CCDC120: variants seen among roughly 807,000 people sequenced by gnomAD.
The protein encoded by CCDC120 is coiled-coil domain-containing protein 120.
In CCDC120, 16 loss-of-function variants were observed where a neutral mutation model predicts 37.6. The ratio of observed to expected loss-of-function variants is 0.43; its 90% confidence interval spans 0.29 to 0.65. CCDC120 has a LOEUF of 0.65. CCDC120 is among the 30% of genes least tolerant of loss of function. CCDC120 has a pLI of 0.18. For synonymous variants in CCDC120, 309 were observed against 275.4 expected (o/e 1.12, Z -1.21); for missense variants, 650 against 657.4 (o/e 0.99, Z 0.12).
At position 49,065,027 on chromosome X, in the gene CCDC120, C is replaced by T. The variant is rs782444661; in HGVS notation, c.725-9C>T. On this transcript the variant is annotated splice_polypyrimidine_tract_variant and intron_variant, in intron 6 of 10. Transcript: ENST00000603986. The stretch of plus-strand genomic sequence containing the variant: ...GTGAGAGGCCCACTTCTCCCCCTCT[C>T]ACCTGTAGAGGACGTAGTTCTGCAC... 227 of 1,207,989 alleles carry T rather than the reference C, an allele frequency of 1.9e-4. No individual in the cohort carries two copies. The highest frequency in any genetic ancestry group is 2.5e-4 in the Non-Finnish European group (222 of 893,708).
chrX:49,066,981 G>A (rs2064962297), intron 9 of CCDC120, 195 bp from the exon 10 acceptor site: 2 of 424,538 alleles, frequency 4.7e-6, no homozygotes, highest in South Asian at 4.1e-5. Flanking sequence ...ACCCCTGACC[G>A]CCTAGCCTAG....
chrX:49,068,725 G>C lies in CCDC120; in HGVS notation c.*67G>C. 1 of 1,007,282 alleles carries C rather than the reference G, an allele frequency of 9.9e-7. No individual in the cohort carries two copies. The highest frequency in any genetic ancestry group is 2.0e-5 in the African/African-American group (1 of 50,749). The allele number at this position is 1,007,282 out of a possible 1,213,427, so 83.0% of individuals were successfully genotyped here. A position where few individuals can be genotyped will look rare whatever the true frequency, so the allele number is the denominator to read the frequency against. On this transcript the variant is annotated 3_prime_UTR_variant, in exon 11 of 11. Coordinates refer to ENST00000603986, the MANE Select transcript of CCDC120 (RefSeq NM_001163321.4). ...ATCTGGGGAGCACACAGCTGACCTC[G>C]CTGGGCCCTGGGGTGTGGTTGCTCT...
chrX:49,061,843 G>C, intron 1 of CCDC120, 116 bp from the exon 2 acceptor site: 1 of 742,535 alleles, frequency 1.3e-6, no homozygotes, highest in Non-Finnish European at 1.9e-6. Context: ...CTTTCCGGGT[G>C]GCTCTGAAGA....
intron 1 of CCDC120, chrX:49,053,897 T>G (rs2064814632): frequency 8.9e-6 from 1 of 112,655 alleles, no homozygotes. Context: ...CAGCCCCGCC[T>G]GCGGAGGAAG....
rs1557082349 is a variant in CCDC120 at position 49,068,633 on chromosome X, C to T, written c.2066C>T (p.Thr689Ile). Residue 689 changes from threonine to isoleucine, a missense_variant, in exon 11 of 11, where the codon ACC (threonine) becomes ATC (isoleucine). Physicochemically the swap from Thr to Ile is moderately conservative, Grantham distance 89 (BLOSUM62 -1). Around this residue, in one of 3 missense-constraint regions of CCDC120, gnomAD observed 576 missense variants for 565.3 expected, o/e 1.02. Transcript: ENST00000603986. ...LEGEQSSSSDTQTPGTLV is the reference protein window; with the variant it reads ...LEGEQSSSSDIQTPGTLV ...GGGGAGCAGTCCTCCAGTTCTGACA[C>T]CCAGACCCCGGGGACACTGGTCTGA... The T allele has an allele frequency of 8.7e-7, 1 of 1,154,065 alleles. No homozygotes were observed. The highest frequency in any genetic ancestry group is 1.2e-6 in the Non-Finnish European group (1 of 866,911).
In CCDC120 at chrX:49,062,045, C is replaced by G. The variant is rs1557079560; in HGVS notation, c.4C>G (p.Arg2Gly). 1 of 1,156,266 alleles carries G rather than the reference C, an allele frequency of 8.6e-7. No individual in the cohort carries two copies. Among genetic ancestry groups the G allele is most frequent in the Non-Finnish European group, 1.1e-6 (1 of 872,803 alleles). Reference sequence around the variant, plus strand: ...CCACTTGCTGTGCTCTCACTCAATGCGAAGGGAACCAAGGTACCAGGGCCA... The same window carrying G: ...CCACTTGCTGTGCTCTCACTCAATGGGAAGGGAACCAAGGTACCAGGGCCA... Reference protein sequence around the residue: MRREPRYQGQVG... With the variant: MGREPRYQGQVG... Residue 2 changes from arginine (R) to glycine (G), a missense_variant, in exon 2 of 11, where the codon CGA becomes GGA. By Grantham distance (125) the Arg-to-Gly change is moderately radical (BLOSUM62 -2). Transcript: ENST00000603986.
chrX:49,064,025 A>G, intron 5 of CCDC120, 24 bp downstream of exon 5: 1 of 1,176,336 alleles, frequency 8.5e-7, no homozygotes, highest in African/African-American at 1.8e-5. Context: ...TGTGGAGAGC[A>G]AGAGGGTGGG....
rs1557080543 is a variant in CCDC120 at position 49,064,581 on chromosome X, C to T, written c.641C>T (p.Pro214Leu). Residue 214 changes from proline (P) to leucine (L), a missense_variant, in exon 6 of 11, where the codon CCC (proline) becomes CTC (leucine). Transcript: ENST00000603986. Reference protein sequence around the residue: ...ARLGLPVLPLPQPLPLSTGSV... With the variant: ...ARLGLPVLPLLQPLPLSTGSV... ...CTTGGCCTCCCAGTGCTCCCGCTGCCCCAGCCACTGCCACTGTCCACGGGG... is the reference window on the plus strand; with the variant it reads ...CTTGGCCTCCCAGTGCTCCCGCTGCTCCAGCCACTGCCACTGTCCACGGGG... 5 of 1,185,030 alleles carry T rather than the reference C, an allele frequency of 4.2e-6. No individual in the cohort carries two copies. In the Admixed American group the frequency reaches 1.2e-4, roughly 28 times the overall value.
chrX:49,064,457 C>T lies in CCDC120; in HGVS notation c.517C>T (p.Leu173=). 8.5e-7 allele frequency: 1 copy of T among 1,180,965 alleles called. No individual in the cohort carries two copies. The highest frequency in any genetic ancestry group is 1.1e-6 in the Non-Finnish European group (1 of 880,994). ...CCGCCGCCTGGCCTTGGCCCCTGAT[C>T]TGAGCACCGAGCAGCGCCGGCGCCG... is the stretch of plus-strand genomic sequence containing the variant. ...AARRLALAPD[L]STEQRRRRRQ... is the part of the protein sequence containing the mutation. The change falls in exon 6 of 11, where the codon CTG becomes TTG. Residue 173 remains leucine, a synonymous_variant. Coordinates refer to ENST00000603986, the MANE Select transcript of CCDC120 (RefSeq NM_001163321.4).
rs1557080513 is a variant in CCDC120, at chrX:49,064,548, G to A, written c.608G>A (p.Arg203Gln). ...HELEEQLRDVRARLGLPVLPL... is the reference protein window; with the variant it reads ...HELEEQLRDVQARLGLPVLPL... ...CTAGAGGAGCAGCTCAGGGATGTCC[G>A]GGCCCGCCTTGGCCTCCCAGTGCTC... is the stretch of plus-strand genomic sequence containing the variant. Residue 203 changes from arginine to glutamine, a missense_variant, in exon 6 of 11, where the codon CGG (arginine) becomes CAG (glutamine). By Grantham distance (43) the Arg-to-Gln change is conservative. This residue lies in a region of CCDC120 where 576 missense variants were observed against 565.3 expected (regional missense o/e 1.02). Transcript: ENST00000603986. The A allele has an allele frequency of 8.5e-7, 1 of 1,178,048 alleles. No individual in the cohort carries two copies. Among genetic ancestry groups the A allele is most frequent in the Non-Finnish European group, 1.1e-6 (1 of 878,560 alleles).
upstream of CCDC120, among the ~76,000 whole-genome samples, chrX:49,057,960 ACT>A (rs1203148296): frequency 1.8e-5 from 2 of 110,900 alleles, no homozygotes; most frequent in East Asian, 2.8e-4. Context: ...ATGAAGCCTG[ACT>A]CTCTGAAGAA....
Position 49,062,257 on chromosome X carries a change from G to T in CCDC120, c.86G>T (p.Arg29Leu), listed in dbSNP as rs782774922. Reference protein sequence around the residue: ...SERTLSSHQPRPLDSTKMEVK... With the variant: ...SERTLSSHQPLPLDSTKMEVK... ...CAGACTTTGTCCAGCCATCAGCCAC[G>T]GCCTCTCGACAGCACCAAGATGGAA... Residue 29 changes from arginine (R) to leucine (L), a missense_variant, in exon 3 of 11, where the codon CGG (arginine) becomes CTG (leucine). Coordinates refer to ENST00000603986, the MANE Select transcript of CCDC120 (RefSeq NM_001163321.4). 1 of 1,210,393 alleles carries T rather than the reference G, an allele frequency of 8.3e-7. No individual in the cohort carries two copies. Among genetic ancestry groups the T allele is most frequent in the South Asian group, 1.8e-5 (1 of 56,653 alleles).
At chrX:49,068,508 G>T in intron 10 of CCDC120, 36 bp from the exon 11 acceptor site, 2 of 1,062,553 alleles carry the variant, frequency 1.9e-6, no homozygotes, top group Non-Finnish European at 2.4e-6. Context: ...TGTCTTCCCC[G>T]CCCTGTCCTC....
chrX:49,065,989 G>A (rs1557081117), intron 9 of CCDC120, 144 bp downstream of exon 9: 10 of 540,542 alleles, frequency 1.8e-5, no homozygotes, highest in African/African-American at 2.4e-5. Flanking sequence ...TTCGGAGGCC[G>A]AGGCGGGCGG....
rs781923729 is a variant in CCDC120, at chrX:49,068,713, A to C, written c.*55A>C. ...GGCACGATTCCAATCTGGGGAGCAC[A>C]CAGCTGACCTCGCTGGGCCCTGGGG... On this transcript the variant is annotated 3_prime_UTR_variant, in exon 11 of 11. Transcript: ENST00000603986. 9.6e-5 allele frequency: 99 copies of C among 1,036,588 alleles called. 2 individuals are homozygous for C. In the African/African-American group the frequency reaches 1.7e-3, roughly 17 times the overall value. 85.4% of individuals were successfully genotyped at this position (1,036,588 alleles called of 1,213,427 possible).
Position 49,067,448 on chromosome X carries a change from G to A in CCDC120, c.1334G>A (p.Arg445His), listed in dbSNP as rs782586777. The stretch of plus-strand genomic sequence containing the variant: ...CAACCAACCCCTGCCTTCTCCTCCC[G>A]CACAGCAGGCCCCCCAGACCCTCCC... ...RPQPTPAFSS[R>H]TAGPPDPPRA... Residue 445 changes from arginine to histidine, a missense_variant, in exon 10 of 11, where the codon CGC (arginine) becomes CAC (histidine). Coordinates refer to ENST00000603986, the MANE Select transcript of CCDC120 (RefSeq NM_001163321.4). 1.2e-4 allele frequency: 138 copies of A among 1,186,225 alleles called. No individual in the cohort carries two copies. Among genetic ancestry groups the A allele is most frequent in the Middle Eastern group, 2.3e-4 (1 of 4,278 alleles).
intron 10 of CCDC120, 58 bp downstream of exon 10, chrX:49,068,148 T>C (rs782011167): frequency 2.6e-5 from 30 of 1,135,430 alleles, no homozygotes; most frequent in Non-Finnish European, 3.2e-5. Flanking sequence ...GGCGAAGATA[T>C]CCAGGCCAGG....
intron 9 of CCDC120, chrX:49,066,344 T>C (rs929489481): frequency 8.4e-6 from 1 of 118,479 alleles, no homozygotes; most frequent in African/African-American, 3.3e-5. Flanking sequence ...GAAATGGAAA[T>C]AATAATATCT....
At chrX:49,060,668 A>T (rs1444038973) in intron 1 of CCDC120, among the ~76,000 whole-genome samples, 2 of 110,405 alleles carry the variant, frequency 1.8e-5, no homozygotes, top group Non-Finnish European at 3.8e-5. Flanking sequence ...GTCAGACCTT[A>T]GATGAGTGGG....
Sources: allele counts gnomAD v4.1 joint callset (sites outside exome capture counted in the v4.1 genomes callset), GRCh38; gene constraint gnomAD v4.1.1; regional missense constraint gnomAD v4.1.1; transcripts MANE v1.5; gene names NCBI Gene and HGNC (gene_info 2026-07-23, HGNC 2026-07-21).